The following GSG1L variants were observed in gnomAD, a reference collection of about 807,000 sequenced individuals.
GSG1L encodes germ cell-specific gene 1-like protein.
Under a neutral mutation model 42.1 loss-of-function variants are expected in GSG1L, and 24 were observed. That is an observed-to-expected ratio of 0.57 (90% CI 0.41 to 0.80). GSG1L has a LOEUF of 0.80. GSG1L is among the 30% of genes least tolerant of loss of function. The probability of loss-of-function intolerance (pLI) is 0.00; values close to 1 mark genes in which losing one functional copy is unlikely to be tolerated. For synonymous variants in GSG1L, 215 were observed against 203.5 expected, an observed-to-expected ratio of 1.06 and a Z score of -0.48; for missense variants, 445 against 472.2, an observed-to-expected ratio of 0.94 and a Z score of 0.53.
At chr16:27,982,735 G>C (rs896194594) in intron 1 of GSG1L, among the ~76,000 whole-genome samples, 2 of 152,184 alleles carry the variant, frequency 1.3e-5, no homozygotes, top group African/African-American at 4.8e-5. Context: ...AAGGTGAAGG[G>C]GGAGTAGGCG....
rs564840617 is a variant in GSG1L at position 27,807,392 on chromosome 16, G to C, written c.898+95C>G. 601 of 944,848 alleles carry C rather than the reference G, an allele frequency of 6.4e-4. 6 individuals carry two copies. The East Asian group carries it at 0.015, about 24-fold the overall frequency. The allele number at this position is 944,848 out of a possible 1,614,324, so 58.5% of individuals were successfully genotyped here. ...TGTGGGAGAATGCAGGGTGCAGTGG[G>C]GGGTGGGGGCTGGCCTGACTCTTCT... On this transcript the variant is annotated intron_variant, in intron 6 of 6. Coordinates refer to ENST00000447459, the MANE Select transcript of GSG1L (RefSeq NM_001109763.2).
At chr16:27,821,726 C>A (rs1046266579) in intron 5 of GSG1L, among the ~76,000 whole-genome samples, 1 of 151,686 alleles carries the variant, frequency 6.6e-6, no homozygotes, top group African/African-American at 2.4e-5. Context: ...CGGTGAAACC[C>A]CGTCTCTACT....
intron 3 of GSG1L, among the ~76,000 whole-genome samples, chr16:27,849,281 G>A (rs1354556776): frequency 2.0e-5 from 3 of 152,012 alleles, no homozygotes; most frequent in Non-Finnish European, 4.4e-5. Flanking sequence ...CAGGAGCAGG[G>A]CCATGCAGGG....
intron 4 of GSG1L, among the ~76,000 whole-genome samples, chr16:27,838,494 AGATTGGACACCATAGG>A (rs2140976314): frequency 1.3e-5 from 2 of 152,288 alleles, no homozygotes; most frequent in East Asian, 3.9e-4. Context: ...AGCCAAGAGC[AGATTGGACACCATAGG>A]GAGAAAAGGG....
At chr16:27,971,311 T>G (rs922086268) in intron 1 of GSG1L, among the ~76,000 whole-genome samples, 1 of 152,220 alleles carries the variant, frequency 6.6e-6, no homozygotes, top group Non-Finnish European at 1.5e-5. Flanking sequence ...TTAGATCTAT[T>G]CAAATTTCTT....
At chr16:27,808,687 A>C (rs904638561) in intron 5 of GSG1L, among the ~76,000 whole-genome samples, 19 of 152,138 alleles carry the variant, frequency 1.2e-4, no homozygotes, top group Admixed American at 3.9e-4. Context: ...CCAATAAAAC[A>C]CTTCCTAAAG....
intron 6 of GSG1L, among the ~76,000 whole-genome samples, chr16:27,798,863 C>T (rs1455736305): frequency 6.6e-6 from 1 of 152,032 alleles, no homozygotes; most frequent in Non-Finnish European, 1.5e-5. Context: ...AGGCTTGTGA[C>T]CCCAAGGTCA....
intron 5 of GSG1L, among the ~76,000 whole-genome samples, chr16:27,819,257 A>T (rs2083126962): frequency 6.6e-6 from 1 of 152,112 alleles, no homozygotes; most frequent in Non-Finnish European, 1.5e-5. Flanking sequence ...TTAAAAAAAA[A>T]AAAAACAGAC....
intron 5 of GSG1L, among the ~76,000 whole-genome samples, chr16:27,818,596 C>T (rs2083120799): frequency 6.6e-6 from 1 of 151,812 alleles, no homozygotes; most frequent in Non-Finnish European, 1.5e-5. Flanking sequence ...GTCTCAGAGG[C>T]TAGACATCTA....
chr16:27,963,341 T>G, intron 1 of GSG1L, 138 bp from the exon 2 acceptor site: 1 of 741,220 alleles, frequency 1.3e-6, no homozygotes, highest in Non-Finnish European at 2.4e-6. Context: ...CCAACCCTGG[T>G]TCCTAGAAGC....
chr16:27,802,818 C>T (rs1461600636), intron 6 of GSG1L, among the ~76,000 whole-genome samples: 1 of 152,042 alleles, frequency 6.6e-6, no homozygotes, highest in Non-Finnish European at 1.5e-5. Context: ...CCATGCCCAG[C>T]TAATTTTAAC....
chr16:27,927,354 G>C (rs766382530), intron 2 of GSG1L, among the ~76,000 whole-genome samples: 6 of 151,998 alleles, frequency 3.9e-5, no homozygotes, highest in Non-Finnish European at 8.8e-5. Context: ...GCCCAGGCTG[G>C]TCTTGGCAGA....
intron 5 of GSG1L, among the ~76,000 whole-genome samples, chr16:27,807,973 G>T (rs986571931): frequency 6.6e-6 from 1 of 152,310 alleles, no homozygotes; most frequent in South Asian, 2.1e-4. Context: ...AAAAGTTAAC[G>T]GTGATTATCC....
chr16:27,938,399 A>G (rs2084744843), intron 2 of GSG1L, among the ~76,000 whole-genome samples: 1 of 147,244 alleles, frequency 6.8e-6, no homozygotes, highest in African/African-American at 2.5e-5. Flanking sequence ...AAAAAAAAAA[A>G]GGCAGAGGAG....
chr16:27,976,581 G>T (rs2085252984), intron 1 of GSG1L, among the ~76,000 whole-genome samples: 1 of 152,208 alleles, frequency 6.6e-6, no homozygotes, highest in South Asian at 2.1e-4. Flanking sequence ...AACAGAAAGG[G>T]ATATCTACAC....
intron 1 of GSG1L, among the ~76,000 whole-genome samples, chr16:27,997,009 AC>A (rs1437921108): frequency 6.6e-6 from 1 of 152,040 alleles, no homozygotes; most frequent in East Asian, 1.9e-4. Flanking sequence ...TGATCCACCC[AC>A]CTCGGCCTCC....
chr16:27,865,309 C>T (rs1288477407), intron 3 of GSG1L, among the ~76,000 whole-genome samples: 2 of 151,808 alleles, frequency 1.3e-5, no homozygotes, highest in East Asian at 3.9e-4. Flanking sequence ...AAGAATCATC[C>T]CCAGGTTCCT....
chr16:27,834,474 C>T (rs1163360272), intron 4 of GSG1L, among the ~76,000 whole-genome samples: 3 of 140,972 alleles, frequency 2.1e-5, no homozygotes, highest in Non-Finnish European at 4.7e-5. Flanking sequence ...CTCTCCTCTT[C>T]TATTTTCTGA....
At chr16:27,850,720 G>T in intron 3 of GSG1L, 1 of 379,952 alleles carries the variant, frequency 2.6e-6, no homozygotes, top group Admixed American at 3.2e-5. Context: ...GTGATAGCTG[G>T]AGAGGGCCTG....
Sources: allele counts gnomAD v4.1 joint callset (sites outside exome capture counted in the v4.1 genomes callset), GRCh38; gene constraint gnomAD v4.1.1; transcripts MANE v1.5; gene names NCBI Gene and HGNC (gene_info 2026-07-23, HGNC 2026-07-21).